FSTL4: variants seen among roughly 807,000 people sequenced by gnomAD.
FSTL4 encodes follistatin-related protein 4.
In FSTL4, 28 loss-of-function variants were observed where a neutral mutation model predicts 78.2. The observed-to-expected ratio is 0.36, with a 90% CI of 0.27 to 0.49. The LOEUF (loss-of-function observed/expected upper bound fraction) is 0.49, where lower values mean the gene tolerates loss of function less well. Among genes scored for constraint, FSTL4 ranks in the 20% least tolerant of loss-of-function variants. FSTL4 has a pLI of 0.98. For missense variants in FSTL4, 922 were observed against 1,084.9 expected, an observed-to-expected ratio of 0.85 and a Z score of 2.11; for synonymous variants, 422 against 440.5, an observed-to-expected ratio of 0.96 and a Z score of 0.53.
chr5:133,273,112 T>C (rs1752802760), intron 6 of FSTL4, among the ~76,000 whole-genome samples: 1 of 152,244 alleles, frequency 6.6e-6, no homozygotes, highest in Admixed American at 6.5e-5. Flanking sequence ...TTGACTCTTG[T>C]GATATTTCCT....
rs1279892280 is a variant in FSTL4 at position 133,289,803 on chromosome 5, G to A, written c.727+22851C>T. ...TGATGGTACCATGTCTCAGTGATGG[G>A]TGGGGGGACTTATTTCATCTGGCTC... is the stretch of plus-strand genomic sequence containing the variant. On this transcript the variant is annotated intron_variant, in intron 6 of 15. Coordinates refer to ENST00000265342, the MANE Select transcript of FSTL4 (RefSeq NM_015082.2). 2.0e-5 allele frequency among the ~76,000 whole-genome samples: 3 copies of A among 152,230 alleles called. No homozygotes were observed. The East Asian group carries it at 5.8e-4, about 29-fold the overall frequency.
At chr5:133,256,224 T>A (rs1252594818) in intron 6 of FSTL4, among the ~76,000 whole-genome samples, 1 of 152,142 alleles carries the variant, frequency 6.6e-6, no homozygotes, top group Non-Finnish European at 1.5e-5. Flanking sequence ...CTTAGACACA[T>A]CTCTCTAACT....
chr5:133,309,866 A>G (rs1197627414), intron 6 of FSTL4, among the ~76,000 whole-genome samples: 1 of 152,200 alleles, frequency 6.6e-6, no homozygotes, highest in Non-Finnish European at 1.5e-5. Flanking sequence ...ATAAAATGCT[A>G]ATGCCTCAAC....
chr5:133,790,213 T>C, the FSTL4 span, among the ~76,000 whole-genome samples: 7 of 152,182 alleles, frequency 4.6e-5, no homozygotes, highest in African/African-American at 1.7e-4. Context: ...GTAAATGCAT[T>C]GATCTAAAAA....
chr5:133,476,564 T>C (rs552722880), intron 3 of FSTL4, among the ~76,000 whole-genome samples: 1 of 152,332 alleles, frequency 6.6e-6, no homozygotes, highest in Admixed American at 6.5e-5. Flanking sequence ...GAAGTTGTTG[T>C]GGAGAATGGT....
the FSTL4 span, among the ~76,000 whole-genome samples, chr5:133,770,417 A>C: frequency 2.0e-5 from 3 of 152,086 alleles, no homozygotes; most frequent in African/African-American, 7.2e-5. Context: ...AATAATAGCC[A>C]TTCTGATGGT....
At chr5:133,452,575 C>G (rs922236900) in intron 3 of FSTL4, among the ~76,000 whole-genome samples, 1 of 152,254 alleles carries the variant, frequency 6.6e-6, no homozygotes, top group Non-Finnish European at 1.5e-5. Context: ...CATGTATTAA[C>G]TCATTTAATC....
At chr5:133,626,670 A>G in the FSTL4 span, among the ~76,000 whole-genome samples, 1 of 151,926 alleles carries the variant, frequency 6.6e-6, no homozygotes, top group East Asian at 1.9e-4. Context: ...CTGTGTTGTT[A>G]TGTTTCCAAT....
chr5:133,364,023 C>A (rs928664858), intron 4 of FSTL4, among the ~76,000 whole-genome samples: 3 of 152,190 alleles, frequency 2.0e-5, no homozygotes, highest in Non-Finnish European at 4.4e-5. Flanking sequence ...CACCTCTGGG[C>A]CCTGAATGTG....
chr5:133,803,908 G>A, the FSTL4 span, among the ~76,000 whole-genome samples: 5 of 152,166 alleles, frequency 3.3e-5, no homozygotes, highest in East Asian at 3.9e-4. Flanking sequence ...AGAAGAGAAA[G>A]AGAAGCCCTG....
At chr5:133,447,319 TATC>T (rs568665006) in intron 3 of FSTL4, among the ~76,000 whole-genome samples, 235 of 152,330 alleles carry the variant, frequency 1.5e-3, no homozygotes, top group African/African-American at 5.3e-3. Context: ...TCTACTATTC[TATC>T]TTTTCTTAAG....
chr5:133,250,174 G>A (rs1752176440), intron 6 of FSTL4, among the ~76,000 whole-genome samples: 1 of 152,210 alleles, frequency 6.6e-6, no homozygotes, highest in African/African-American at 2.4e-5. Flanking sequence ...AATACTTCAG[G>A]CTGCAGAAAC....
intron 6 of FSTL4, among the ~76,000 whole-genome samples, chr5:133,265,153 C>T (rs528479356): frequency 1.3e-5 from 2 of 152,102 alleles, no homozygotes; most frequent in Admixed American, 6.5e-5. Context: ...TCCTAGGCCC[C>T]GTCCCCCCAC....
chr5:133,707,085 G>A, the FSTL4 span, among the ~76,000 whole-genome samples: 1 of 152,214 alleles, frequency 6.6e-6, no homozygotes, highest in African/African-American at 2.4e-5. Context: ...CTTCTACAAA[G>A]AGGAGTGGTC....
intron 3 of FSTL4, among the ~76,000 whole-genome samples, chr5:133,501,277 A>T (rs533206614): frequency 2.6e-5 from 4 of 152,310 alleles, no homozygotes; most frequent in South Asian, 2.1e-4. Flanking sequence ...AAGAAAAAAA[A>T]AAAATAAAAA....
chr5:133,465,602 G>A (rs1415533420), intron 3 of FSTL4, among the ~76,000 whole-genome samples: 1 of 152,304 alleles, frequency 6.6e-6, no homozygotes, highest in Non-Finnish European at 1.5e-5. Flanking sequence ...CTCTGGGCAG[G>A]GGGTGGGGAG....
At chr5:133,217,923 C>T (rs1750968219) in intron 12 of FSTL4, among the ~76,000 whole-genome samples, 1 of 152,154 alleles carries the variant, frequency 6.6e-6, no homozygotes, top group Non-Finnish European at 1.5e-5. Context: ...GCTAGGGTGT[C>T]CAGGGTTCAC....
intron 4 of FSTL4, among the ~76,000 whole-genome samples, chr5:133,378,186 T>C (rs1755485150): frequency 6.6e-6 from 1 of 152,072 alleles, no homozygotes; most frequent in African/African-American, 2.4e-5. Flanking sequence ...TAATCACATC[T>C]ACACCAAAAA....
the FSTL4 span, among the ~76,000 whole-genome samples, chr5:133,674,557 G>T: frequency 9.2e-4 from 140 of 152,078 alleles, no homozygotes; most frequent in African/African-American, 3.3e-3. Context: ...CGTAGAGAAC[G>T]AGACAGGCAT....
Sources: allele counts gnomAD v4.1 joint callset (sites outside exome capture counted in the v4.1 genomes callset), GRCh38; gene constraint gnomAD v4.1.1; transcripts MANE v1.5; gene names NCBI Gene and HGNC (gene_info 2026-07-23, HGNC 2026-07-21).